The following TRANK1 variants were observed in gnomAD, a reference collection of about 807,000 sequenced individuals.
TRANK1 encodes tetratricopeptide repeat and ankyrin repeat containing 1.
In TRANK1, 198 loss-of-function variants were observed where a neutral mutation model predicts 266.0. The observed-to-expected ratio is 0.74, with a 90% confidence interval of 0.66 to 0.84. The LOEUF (loss-of-function observed/expected upper bound fraction) is 0.84. Among genes scored for constraint, TRANK1 ranks in the 40% least tolerant of loss-of-function variants. TRANK1 has a pLI of 0.00. For missense variants in TRANK1, 3,326 were observed against 3,634.6 expected (o/e 0.92, Z 2.18); for synonymous variants, 1,396 against 1,384.1 (o/e 1.01, Z -0.19).
chr3:36,829,495 C>A (rs377511972), intron 23 of TRANK1, 69 bp downstream of exon 23: 8 of 1,520,724 alleles, frequency 5.3e-6, no homozygotes, highest in Non-Finnish European at 7.3e-6. Context: ...AGATTCCCCC[C>A]GGGAGCCAGC....
At chr3:36,829,755 G>T in intron 22 of TRANK1, 93 bp from the exon 23 acceptor site, 1 of 1,340,098 alleles carries the variant, frequency 7.5e-7, no homozygotes, top group Non-Finnish European at 1.0e-6. Context: ...CATCCCAAGA[G>T]CTGGTCTCTA....
chr3:36,838,356 G>A lies in TRANK1; in HGVS notation c.5517+16C>T, dbSNP rs371912220. On this transcript the variant is annotated intron_variant, in intron 20 of 23. Coordinates refer to ENST00000645898, the MANE Select transcript of TRANK1 (RefSeq NM_001329998.2). ...GCCCAGTTTTCCCTGGAGCAGCAGC[G>A]GACTAGGAGCCATACCTTTCCCAGC... 55 of 1,612,930 alleles carry A rather than the reference G, an allele frequency of 3.4e-5. No individual in the cohort carries two copies. The highest frequency in any genetic ancestry group is 4.5e-5 in the East Asian group (2 of 44,894).
At chr3:36,842,752 C>G in intron 17 of TRANK1, 42 bp from the exon 18 acceptor site, 1 of 1,566,582 alleles carries the variant, frequency 6.4e-7, no homozygotes, top group African/African-American at 1.4e-5. Context: ...TCTGGGCTTT[C>G]TTTCACTTAA....
intron 9 of TRANK1, among the ~76,000 whole-genome samples, chr3:36,866,969 G>A (rs1451195008): frequency 1.3e-5 from 2 of 152,136 alleles, no homozygotes; most frequent in East Asian, 3.9e-4. Flanking sequence ...ATCAAGAGAC[G>A]TTCAGGTGCC....
At chr3:36,940,084 G>T (rs929700026) in intron 1 of TRANK1, among the ~76,000 whole-genome samples, 4 of 151,308 alleles carry the variant, frequency 2.6e-5, no homozygotes, top group Non-Finnish European at 4.4e-5. Context: ...TGGAGACAGG[G>T]TTTCACCGTG....
intron 10 of TRANK1, among the ~76,000 whole-genome samples, chr3:36,861,413 C>T (rs979170673): frequency 2.0e-5 from 3 of 152,146 alleles, no homozygotes; most frequent in African/African-American, 4.8e-5. Context: ...TGTGTCTTAA[C>T]GCAGAATACT....
chr3:36,898,135 T>C (rs2079819962), intron 4 of TRANK1, among the ~76,000 whole-genome samples: 1 of 152,172 alleles, frequency 6.6e-6, no homozygotes, highest in African/African-American at 2.4e-5. Flanking sequence ...ATTTTCTCAA[T>C]AGACTGGAAA....
At chr3:36,866,116 G>GAA (rs1276694686) in intron 9 of TRANK1, among the ~76,000 whole-genome samples, 2 of 150,334 alleles carry the variant, frequency 1.3e-5, no homozygotes, top group Non-Finnish European at 3.0e-5. Flanking sequence ...AAGAAAGAAA[G>GAA]AGTCACCGAT....
At chr3:36,942,691 C>T (rs978169365) in intron 1 of TRANK1, among the ~76,000 whole-genome samples, 11 of 152,000 alleles carry the variant, frequency 7.2e-5, no homozygotes, top group Admixed American at 1.3e-4. Flanking sequence ...TTCTATCACT[C>T]AAGTATGAAT....
In TRANK1 at chr3:36,857,837, T is replaced by C; in HGVS notation, c.1885A>G (p.Lys629Glu). 6.2e-7 allele frequency: 1 copy of C among 1,613,934 alleles called. No individual in the cohort carries two copies. Among genetic ancestry groups the C allele is most frequent in the Non-Finnish European group, 8.5e-7 (1 of 1,179,906 alleles). ...INFNLKNKEG[K>E]DARHRIKKND... Reference sequence around the variant, plus strand: ...TTCTTAATCCGGTGCCGTGCATCTTTGCCCTCTTTGTTCTTCAGATTGAAG... The same window carrying C: ...TTCTTAATCCGGTGCCGTGCATCTTCGCCCTCTTTGTTCTTCAGATTGAAG... The change falls in exon 13 of 24, where the codon AAA becomes GAA. Residue 629 changes from lysine to glutamate, a missense_variant. Coordinates refer to ENST00000645898, the MANE Select transcript of TRANK1 (RefSeq NM_001329998.2). This position sits in a 1 kb window ranked among gnomAD's most constrained non-coding sequence, Gnocchi z 4.3.
At chr3:36,943,001 C>G (rs772470198) in intron 1 of TRANK1, among the ~76,000 whole-genome samples, 12 of 151,994 alleles carry the variant, frequency 7.9e-5, no homozygotes, top group Non-Finnish European at 1.6e-4. Context: ...GCCAACATGG[C>G]GAAACACCGT....
At chr3:36,876,030 AGG>A (rs2079383692) in intron 8 of TRANK1, among the ~76,000 whole-genome samples, 1 of 152,240 alleles carries the variant, frequency 6.6e-6, no homozygotes, top group South Asian at 2.1e-4. Flanking sequence ...ACATGCAGAG[AGG>A]TACACAGGTT....
chr3:36,895,677 G>T lies in TRANK1; in HGVS notation c.515C>A (p.Ser172Tyr). The change falls in exon 5 of 24, where the codon TCT (serine) becomes TAT (tyrosine). Residue 172 changes from serine (S) to tyrosine (Y), a missense_variant. Physicochemically the swap from Ser to Tyr is moderately radical, Grantham distance 144. Coordinates refer to ENST00000645898, the MANE Select transcript of TRANK1 (RefSeq NM_001329998.2). ...TTTCTTTGCCAACTTTTCTATTACAGATTGCCACACTTCTGTTGGGAATCC... is the reference window on the plus strand; with the variant it reads ...TTTCTTTGCCAACTTTTCTATTACATATTGCCACACTTCTGTTGGGAATCC... Reference protein sequence around the residue: ...TTGFPTEVWQSVIEKLAKKGL... With the variant: ...TTGFPTEVWQYVIEKLAKKGL... 2 of 1,536,278 alleles carry T rather than the reference G, an allele frequency of 1.3e-6. No individual in the cohort carries two copies. Among genetic ancestry groups the T allele is most frequent in the South Asian group, 2.4e-5 (2 of 83,766 alleles).
intron 2 of TRANK1, among the ~76,000 whole-genome samples, 167 bp from the exon 3 acceptor site, chr3:36,903,442 C>T (rs1202681522): frequency 2.6e-5 from 4 of 152,244 alleles, no homozygotes; most frequent in Admixed American, 2.0e-4. Context: ...GAGCCTGGAA[C>T]ATTTACAATA....
intron 2 of TRANK1, 61 bp from the exon 3 acceptor site, chr3:36,903,336 T>TC (rs1367711594): frequency 1.7e-5 from 25 of 1,500,466 alleles, no homozygotes; most frequent in Admixed American, 6.1e-5. Context: ...GTCTGTGAAG[T>TC]CCCCCCATTC....
intron 15 of TRANK1, chr3:36,850,586 C>T (rs1559425652): frequency 2.5e-6 from 2 of 803,462 alleles, no homozygotes; most frequent in Non-Finnish European, 3.0e-6. Flanking sequence ...CTGGGCAACA[C>T]AGCAAGACCA....
At chr3:36,839,480 C>G (rs889290732) in intron 18 of TRANK1, among the ~76,000 whole-genome samples, 1 of 152,208 alleles carries the variant, frequency 6.6e-6, no homozygotes, top group Non-Finnish European at 1.5e-5. Context: ...TGATCACTCT[C>G]CCCTTCATGC....
chr3:36,867,570 C>G (rs1482499434), intron 9 of TRANK1, among the ~76,000 whole-genome samples: 2 of 152,184 alleles, frequency 1.3e-5, no homozygotes, highest in African/African-American at 4.8e-5. Flanking sequence ...CTTCACTGAT[C>G]TTTTCTGATT....
rs891400342 is a variant in TRANK1 at position 36,936,626 on chromosome 3, CA to C, written c.23+8160del. Among the ~76,000 whole-genome samples, 5 of 150,496 alleles carry C rather than the reference CA, an allele frequency of 3.3e-5. No individual in the cohort carries two copies. The South Asian group carries it at 6.3e-4, about 19-fold the overall frequency. On this transcript the variant is annotated intron_variant, in intron 1 of 23. Transcript: ENST00000645898. ...CACAAAAGGAGGAACATTTTAACTCCAAAAAAAAAGGATGAAGAGTGTAAAC... is the reference window on the plus strand; with the variant it reads ...CACAAAAGGAGGAACATTTTAACTCCAAAAAAAAGGATGAAGAGTGTAAAC...
Sources: gnomAD v4.1 joint callset for allele counts (sites outside exome capture counted in the v4.1 genomes callset) on GRCh38, gnomAD v4.1.1 for gene constraint, Gnocchi (gnomAD v3.1) non-coding constraint, MANE v1.5 for transcripts, NCBI Gene and HGNC (gene_info 2026-07-23, HGNC 2026-07-21) for gene names.